Variants in NTRK2 observed in about 807,000 individuals in gnomAD.
NTRK2 encodes neurotrophic receptor tyrosine kinase 2.
In NTRK2, 13 loss-of-function variants were observed where a neutral mutation model predicts 94.5. The ratio of observed to expected loss-of-function variants is 0.14; its 90% CI spans 0.09 to 0.22. NTRK2 has a LOEUF of 0.22. NTRK2 is among the 10% of genes least tolerant of loss of function. The pLI is 1.00. For missense variants in NTRK2, 639 were observed against 1,071.2 expected, an observed-to-expected ratio of 0.60 and a Z score of 5.63; for synonymous variants, 372 against 407.4, an observed-to-expected ratio of 0.91 and a Z score of 1.05.
At chr9:85,010,705 T>C (rs1831468643) in intron 17 of NTRK2, among the ~76,000 whole-genome samples, 1 of 152,234 alleles carries the variant, frequency 6.6e-6, no homozygotes, top group Admixed American at 6.5e-5. Context: ...AATTTTACTT[T>C]ATTCTTACAA....
At chr9:84,749,389 T>C (rs2064383342) in intron 11 of NTRK2, among the ~76,000 whole-genome samples, 1 of 152,216 alleles carries the variant, frequency 6.6e-6, no homozygotes, top group Admixed American at 6.5e-5. Flanking sequence ...TTTAATGCTC[T>C]TCTCATCTGA....
rs963630186 is a variant in NTRK2 at position 84,883,986 on chromosome 9, T to C, written c.1633+16555T>C. On this transcript the variant is annotated intron_variant, in intron 14 of 18. Transcript: ENST00000277120. ...AGTATAAGGAATTATTGGGAGATCATTTTATTCCTCCTTGCAAATTCTAAA... is the reference window on the plus strand; with the variant it reads ...AGTATAAGGAATTATTGGGAGATCACTTTATTCCTCCTTGCAAATTCTAAA... 2.0e-5 allele frequency among the ~76,000 whole-genome samples: 3 copies of C among 152,248 alleles called. No individual in the cohort carries two copies. In the East Asian group the frequency reaches 5.8e-4, roughly 29 times the overall value.
chr9:84,953,210 C>A (rs765461600), intron 16 of NTRK2, among the ~76,000 whole-genome samples: 1 of 152,158 alleles, frequency 6.6e-6, no homozygotes, highest in Non-Finnish European at 1.5e-5. Flanking sequence ...CCTGAAGAGC[C>A]CTGTTACAGG....
chr9:85,008,349 T>C (rs1436001897), intron 17 of NTRK2, among the ~76,000 whole-genome samples: 2 of 151,922 alleles, frequency 1.3e-5, no homozygotes, highest in East Asian at 3.9e-4. Flanking sequence ...AACTATAGGT[T>C]GGTGCAAAAG....
At chr9:84,793,778 CAG>C (rs1279260852) in intron 12 of NTRK2, among the ~76,000 whole-genome samples, 4 of 152,110 alleles carry the variant, frequency 2.6e-5, no homozygotes, top group Admixed American at 6.5e-5. Context: ...GACTATAAGA[CAG>C]GGGTCAGTAC....
chr9:84,882,279 A>T (rs1447114099), intron 14 of NTRK2, among the ~76,000 whole-genome samples: 1 of 152,188 alleles, frequency 6.6e-6, no homozygotes, highest in Non-Finnish European at 1.5e-5. Flanking sequence ...TGAGATGGGT[A>T]TCTGCAACTT....
At chr9:84,715,867 C>G (rs2061681936) in intron 6 of NTRK2, among the ~76,000 whole-genome samples, 1 of 152,098 alleles carries the variant, frequency 6.6e-6, no homozygotes, top group Non-Finnish European at 1.5e-5. Flanking sequence ...CCTCCCCTGG[C>G]ATAATGGGAT....
intron 2 of NTRK2, among the ~76,000 whole-genome samples, chr9:84,681,836 A>G (rs1055412618): frequency 1.4e-4 from 22 of 152,196 alleles, no homozygotes; most frequent in African/African-American, 5.3e-4. Flanking sequence ...CAGTTTTTAA[A>G]GAATAGAACA....
At chr9:84,859,180 T>G (rs1233453796) in intron 12 of NTRK2, among the ~76,000 whole-genome samples, 1 of 152,140 alleles carries the variant, frequency 6.6e-6, no homozygotes, top group Admixed American at 6.5e-5. Context: ...GTGTGAATGG[T>G]TTCATGGGGC....
At chr9:84,679,189 A>G (rs2059244542) in intron 2 of NTRK2, among the ~76,000 whole-genome samples, 1 of 152,180 alleles carries the variant, frequency 6.6e-6, no homozygotes, top group Admixed American at 6.5e-5. Context: ...TACCCAGTCT[A>G]AGATATTTTA....
intron 12 of NTRK2, among the ~76,000 whole-genome samples, chr9:84,785,142 A>C (rs1472411071): frequency 1.3e-5 from 2 of 152,214 alleles, no homozygotes; most frequent in Non-Finnish European, 2.9e-5. Context: ...AGACCTCTGA[A>C]CAGATGATGT....
At chr9:84,736,927 C>A (rs1234886505) in intron 9 of NTRK2, among the ~76,000 whole-genome samples, 1 of 152,158 alleles carries the variant, frequency 6.6e-6, no homozygotes, top group Non-Finnish European at 1.5e-5. Flanking sequence ...AAGAGAAGAA[C>A]CTGAAAATCA....
chr9:84,885,934 G>A (rs1324705655), intron 14 of NTRK2, among the ~76,000 whole-genome samples: 1 of 152,110 alleles, frequency 6.6e-6, no homozygotes, highest in Non-Finnish European at 1.5e-5. Context: ...AGGAGGCTGA[G>A]GCAGGAGAAT....
intron 14 of NTRK2, among the ~76,000 whole-genome samples, chr9:84,915,083 T>A (rs2077355322): frequency 6.6e-6 from 1 of 152,070 alleles, no homozygotes; most frequent in South Asian, 2.1e-4. Context: ...CACCGTAGGG[T>A]TCATGCTCCT....
intron 12 of NTRK2, among the ~76,000 whole-genome samples, chr9:84,794,326 T>C (rs2069050273): frequency 6.6e-6 from 1 of 152,208 alleles, no homozygotes; most frequent in Non-Finnish European, 1.5e-5. Context: ...GTTGGTGCAT[T>C]TGCTTATATG....
chr9:84,964,642 C>T (rs1825346136), intron 17 of NTRK2, among the ~76,000 whole-genome samples: 1 of 152,180 alleles, frequency 6.6e-6, no homozygotes, highest in African/African-American at 2.4e-5. Flanking sequence ...ATCTCCCCAA[C>T]TTAGGGAGCT....
intron 17 of NTRK2, among the ~76,000 whole-genome samples, chr9:84,975,770 ACAAATTGTGTGAATTGT>A (rs1304066454): frequency 1.8e-4 from 28 of 151,646 alleles, no homozygotes; most frequent in African/African-American, 6.5e-4. Flanking sequence ...TGATATTCAC[ACAAATTGTGTGAATTGT>A]ATTCACACAA....
At chr9:85,009,380 T>A (rs117946013) in intron 17 of NTRK2, among the ~76,000 whole-genome samples, 7 of 152,296 alleles carry the variant, frequency 4.6e-5, no homozygotes, top group Non-Finnish European at 7.4e-5. Flanking sequence ...GATGCTTTGG[T>A]GGAAAGGTTT....
chr9:84,898,509 CT>C (rs1039601268), intron 14 of NTRK2, among the ~76,000 whole-genome samples: 6 of 151,608 alleles, frequency 4.0e-5, no homozygotes, highest in South Asian at 2.1e-4. Flanking sequence ...CTTTTTCTTT[CT>C]TTTTTTTCTC....
Sources: allele counts gnomAD v4.1 joint callset (sites outside exome capture counted in the v4.1 genomes callset), GRCh38; gene constraint gnomAD v4.1.1; transcripts MANE v1.5; gene names NCBI Gene and HGNC (gene_info 2026-07-23, HGNC 2026-07-21).